The following TXNDC9 variants were observed in gnomAD, a reference collection of about 807,000 sequenced individuals.
The protein encoded by TXNDC9 is thioredoxin domain containing 9.
A neutral mutation model predicts 23.0 loss-of-function variants in TXNDC9; 7 were observed. The observed-to-expected ratio is 0.30, with a 90% CI of 0.17 to 0.57. The LOEUF (loss-of-function observed/expected upper bound fraction) is 0.57, where lower values mean the gene tolerates loss of function less well. TXNDC9 is among the 20% of genes least tolerant of loss of function. The probability of loss-of-function intolerance (pLI) is 0.90; values close to 1 mark genes in which losing one functional copy is unlikely to be tolerated. For synonymous variants in TXNDC9, 72 were observed against 90.6 expected (o/e 0.79, Z 1.17); for missense variants, 198 against 252.6 (o/e 0.78, Z 1.47).
chr2:99,315,224 G>A (rs932714222), downstream of TXNDC9, among the ~76,000 whole-genome samples: 6 of 151,726 alleles, frequency 4.0e-5, no homozygotes, highest in Admixed American at 2.0e-4. Flanking sequence ...CACCATACCC[G>A]GCTAATTTTT....
chr2:99,333,425 G>A (rs1262589038), intron 1 of TXNDC9, among the ~76,000 whole-genome samples, 183 bp from the exon 2 acceptor site: 1 of 152,128 alleles, frequency 6.6e-6, no homozygotes, highest in Admixed American at 6.6e-5. Context: ...TTCTCAGTAG[G>A]TTCTAGTCAC....
chr2:99,328,165 G>C (rs2094217169), intron 2 of TXNDC9, among the ~76,000 whole-genome samples: 2 of 151,764 alleles, frequency 1.3e-5, no homozygotes, highest in South Asian at 4.2e-4. Context: ...CATGATCATA[G>C]CTCACTGCAG....
At chr2:99,329,437 G>A (rs767615726) in intron 2 of TXNDC9, among the ~76,000 whole-genome samples, 16 of 152,216 alleles carry the variant, frequency 1.1e-4, no homozygotes, top group Non-Finnish European at 1.8e-4. Flanking sequence ...TCCAACCAAA[G>A]AGCCAGGAGG....
downstream of TXNDC9, among the ~76,000 whole-genome samples, chr2:99,317,165 C>T (rs140521383): frequency 1.2e-3 from 179 of 152,292 alleles, no homozygotes; most frequent in African/African-American, 4.0e-3. Flanking sequence ...TTGGAACACA[C>T]TTATAATAAT....
chr2:99,307,036 T>TCC, the TXNDC9 span, among the ~76,000 whole-genome samples: 1 of 29,906 alleles, frequency 3.3e-5, no homozygotes, highest in Non-Finnish European at 7.8e-5. Context: ...CCTTCTTCCT[T>TCC]TTCTTTCTTC....
rs1163935434 is a variant in TXNDC9, at chr2:99,319,441, G to A, written c.*241C>T. The stretch of plus-strand genomic sequence containing the variant: ...GATGTAAGAATCATATTGTGATAAA[G>A]TCAATCTCAAAAATAGAGAATCCAG... On this transcript the variant is annotated 3_prime_UTR_variant, in exon 5 of 5. Transcript: ENST00000264255. The A allele has an allele frequency of 1.1e-5, 4 of 350,212 alleles. No homozygotes were observed. Among genetic ancestry groups the A allele is most frequent in the African/African-American group, 4.3e-5 (2 of 46,480 alleles). 21.7% of individuals were successfully genotyped at this position (350,212 alleles called of 1,614,324 possible).
chr2:99,308,579 G>A, the TXNDC9 span, among the ~76,000 whole-genome samples: 2 of 149,562 alleles, frequency 1.3e-5, no homozygotes, highest in Non-Finnish European at 3.0e-5. Context: ...GTACATGCAT[G>A]TGTGTGTGTG....
the TXNDC9 span, among the ~76,000 whole-genome samples, chr2:99,306,419 G>T: frequency 1.7e-4 from 26 of 151,680 alleles, no homozygotes; most frequent in East Asian, 2.0e-4. Flanking sequence ...TCCCTGAGGG[G>T]TTAGATAAAA....
chr2:99,325,671 T>A (rs2094211408), intron 3 of TXNDC9, among the ~76,000 whole-genome samples: 1 of 152,034 alleles, frequency 6.6e-6, no homozygotes, highest in Non-Finnish European at 1.5e-5. Context: ...TACAGGCAAA[T>A]GCGCTGCCTC....
At chr2:99,322,434 A>G (rs1316673278) in intron 3 of TXNDC9, 2 of 1,256,290 alleles carry the variant, frequency 1.6e-6, no homozygotes, top group South Asian at 1.8e-5. Flanking sequence ...TCAGATTTGC[A>G]TTAATGATAT....
Position 99,322,213 on chromosome 2 carries a change from T to C in TXNDC9, c.309-4A>G, listed in dbSNP as rs2094203457. On this transcript the variant is annotated splice_region_variant and splice_polypyrimidine_tract_variant and intron_variant, in intron 3 of 4. Transcript: ENST00000264255. ...ATGTCTGTCTAGTATTTTACACCTG[T>C]AAGTGACCACACATAGAAAATTATA... The C allele has an allele frequency of 2.5e-6, 4 of 1,607,008 alleles. No homozygotes were observed. The highest frequency in any genetic ancestry group is 1.7e-6 in the Non-Finnish European group (2 of 1,175,442).
At chr2:99,318,210 G>C (rs1292003007), downstream of TXNDC9, among the ~76,000 whole-genome samples, 1 of 151,500 alleles carries the variant, frequency 6.6e-6, no homozygotes, top group African/African-American at 2.4e-5. Flanking sequence ...GAGCTTGTTG[G>C]CATTCCCTTT....
intron 2 of TXNDC9, among the ~76,000 whole-genome samples, chr2:99,329,551 G>A (rs1005156315): frequency 1.3e-5 from 2 of 152,198 alleles, no homozygotes; most frequent in Non-Finnish European, 2.9e-5. Context: ...ACACTTGCAG[G>A]ATACCCTGAT....
intron 2 of TXNDC9, among the ~76,000 whole-genome samples, chr2:99,328,580 TGAGA>T (rs2094218141): frequency 6.6e-6 from 1 of 152,148 alleles, no homozygotes; most frequent in Admixed American, 6.5e-5. Context: ...AATTTAGACT[TGAGA>T]GACTCAGAAT....
chr2:99,334,247 AGG>A (rs2105327475), intron 1 of TXNDC9, among the ~76,000 whole-genome samples: 1 of 151,970 alleles, frequency 6.6e-6, no homozygotes, highest in Non-Finnish European at 1.5e-5. Context: ...GCTACTAGGG[AGG>A]CTGAAGTGGG....
At chr2:99,326,647 TA>T (rs1337868805) in intron 3 of TXNDC9, among the ~76,000 whole-genome samples, 3 of 152,186 alleles carry the variant, frequency 2.0e-5, no homozygotes, top group African/African-American at 7.2e-5. Flanking sequence ...GAGGAGGTAT[TA>T]ACATTTTATA....
At chr2:99,321,922 T>C in intron 4 of TXNDC9, 33 bp downstream of exon 4, 2 of 1,563,098 alleles carry the variant, frequency 1.3e-6, no homozygotes, top group Non-Finnish European at 1.7e-6. Flanking sequence ...TATATATGAA[T>C]TAAAATCAAT....
At chr2:99,318,938 CCA>C (rs2105317758), downstream of TXNDC9, 1 of 152,326 alleles carries the variant, frequency 6.6e-6, no homozygotes, top group South Asian at 2.1e-4. Flanking sequence ...GGCTCCAATG[CCA>C]CAGACTCCCT....
At chr2:99,327,074 T>A (rs557774920) in intron 3 of TXNDC9, among the ~76,000 whole-genome samples, 182 of 152,338 alleles carry the variant, frequency 1.2e-3, no homozygotes, top group Admixed American at 4.7e-3. Context: ...AATTAACTTT[T>A]TTTTTCTTTC....
Sources: gnomAD v4.1 joint callset for allele counts (sites outside exome capture counted in the v4.1 genomes callset) on GRCh38, gnomAD v4.1.1 for gene constraint, MANE v1.5 for transcripts, NCBI Gene and HGNC (gene_info 2026-07-23, HGNC 2026-07-21) for gene names.